The following PRKG1 variants were observed in gnomAD, a reference collection of about 807,000 sequenced individuals.
PRKG1 encodes protein kinase cGMP-dependent 1.
A neutral mutation model predicts 88.1 loss-of-function variants in PRKG1; 35 were observed. That is an observed-to-expected ratio of 0.40 (90% CI 0.30 to 0.53). The LOEUF (loss-of-function observed/expected upper bound fraction) is 0.53. Ranked by LOEUF, PRKG1 falls within the 20% of genes least tolerant of loss-of-function variation. The pLI is 0.59. For missense variants in PRKG1, 540 were observed against 839.8 expected, an observed-to-expected ratio of 0.64 and a Z score of 4.41; for synonymous variants, 303 against 292.5, an observed-to-expected ratio of 1.04 and a Z score of -0.37.
At chr10:51,398,234 A>C (rs1280087343) in intron 2 of PRKG1, among the ~76,000 whole-genome samples, 2 of 152,122 alleles carry the variant, frequency 1.3e-5, no homozygotes, top group African/African-American at 2.4e-5. Flanking sequence ...TTCAGGATGA[A>C]ACTGTTTCAT....
chr10:51,488,703 CA>C (rs2132865020), intron 3 of PRKG1, among the ~76,000 whole-genome samples: 1 of 152,252 alleles, frequency 6.6e-6, no homozygotes, highest in East Asian at 1.9e-4. Flanking sequence ...TTTAAACACA[CA>C]CACACATCAT....
At chr10:52,136,704 TA>T (rs1837432456) in intron 8 of PRKG1, among the ~76,000 whole-genome samples, 1 of 152,028 alleles carries the variant, frequency 6.6e-6, no homozygotes, top group Admixed American at 6.6e-5. Context: ...TTAACATAGG[TA>T]AATGTCCATG....
intron 3 of PRKG1, among the ~76,000 whole-genome samples, chr10:51,480,444 G>A (rs1056893403): frequency 1.3e-5 from 2 of 151,890 alleles, no homozygotes; most frequent in African/African-American, 4.8e-5. Flanking sequence ...TATACGTTGG[G>A]CTCGTAATTA....
chr10:51,878,919 A>G (rs1486641009), intron 4 of PRKG1, among the ~76,000 whole-genome samples: 1 of 152,218 alleles, frequency 6.6e-6, no homozygotes, highest in African/African-American at 2.4e-5. Flanking sequence ...TTTAAGAACC[A>G]GACCTCTGCA....
intron 2 of PRKG1, among the ~76,000 whole-genome samples, chr10:51,278,217 G>T (rs1589306518): frequency 1.3e-5 from 2 of 152,082 alleles, no homozygotes; most frequent in African/African-American, 4.8e-5. Context: ...ATAATCATGT[G>T]GTTTTTGTCG....
intron 2 of PRKG1, among the ~76,000 whole-genome samples, chr10:51,393,045 G>A (rs1489733203): frequency 1.6e-4 from 22 of 135,138 alleles, no homozygotes; most frequent in African/African-American, 4.2e-4. Context: ...GGGCGGAGGG[G>A]CTCCTCACTT....
At chr10:52,123,613 A>G (rs917687847) in intron 7 of PRKG1, among the ~76,000 whole-genome samples, 3 of 152,130 alleles carry the variant, frequency 2.0e-5, no homozygotes, top group African/African-American at 7.2e-5. Flanking sequence ...TTCTGTTTAG[A>G]AGAAATTGTT....
intron 2 of PRKG1, among the ~76,000 whole-genome samples, chr10:51,401,465 T>A (rs1837738602): frequency 6.6e-6 from 1 of 152,180 alleles, no homozygotes; most frequent in Non-Finnish European, 1.5e-5. Context: ...TCCTTTTCCA[T>A]ATTCACTGGC....
chr10:52,019,975 G>A (rs1194122887), intron 5 of PRKG1, among the ~76,000 whole-genome samples: 2 of 152,096 alleles, frequency 1.3e-5, no homozygotes, highest in Non-Finnish European at 2.9e-5. Context: ...AGATAGGAAA[G>A]TTGGAAATTA....
At position 51,819,006 on chromosome 10, in the gene PRKG1, C is replaced by CAAAAAAA. The variant is rs869048560; in HGVS notation, c.698+14347_698+14353dup. ...TGGGCGACAGAGCGAGACTCCGTCT[C>CAAAAAAA]AAAAAAAAAAAAAAAAAAAAAAAAA... On this transcript the variant is annotated intron_variant, in intron 4 of 17. Transcript: ENST00000373980. 6.7e-3 allele frequency among the ~76,000 whole-genome samples: 123 copies of CAAAAAAA among 18,346 alleles called. 29 individuals are homozygous for CAAAAAAA. Among genetic ancestry groups the CAAAAAAA allele is most frequent in the African/African-American group, 0.019 (22 of 1,182 alleles). The allele number at this position is 18,346 out of a possible 152,430, so 12.0% of individuals were successfully genotyped here.
intron 1 of PRKG1, among the ~76,000 whole-genome samples, chr10:51,038,729 C>T (rs551235186): frequency 8.5e-5 from 13 of 152,202 alleles, no homozygotes; most frequent in African/African-American, 2.9e-4. Context: ...ATTCATTTAT[C>T]GTTTGATGGG....
At chr10:52,111,372 G>T (rs1190740784) in intron 7 of PRKG1, among the ~76,000 whole-genome samples, 1 of 152,184 alleles carries the variant, frequency 6.6e-6, no homozygotes, top group Non-Finnish European at 1.5e-5. Flanking sequence ...TGCTCCATTG[G>T]CAATGTAATG....
intron 2 of PRKG1, among the ~76,000 whole-genome samples, chr10:51,397,460 G>A (rs1276053591): frequency 1.3e-5 from 2 of 152,102 alleles, no homozygotes; most frequent in East Asian, 3.9e-4. Context: ...CGTCTCGAGG[G>A]CACTTCATGA....
intron 1 of PRKG1, among the ~76,000 whole-genome samples, chr10:51,031,781 G>A (rs942452159): frequency 6.6e-6 from 1 of 152,044 alleles, no homozygotes; most frequent in Non-Finnish European, 1.5e-5. Context: ...TGTTCACGCA[G>A]GATTATAACA....
chr10:51,780,715 A>G (rs1287022329), intron 3 of PRKG1, among the ~76,000 whole-genome samples: 3 of 152,150 alleles, frequency 2.0e-5, no homozygotes, highest in African/African-American at 7.2e-5. Flanking sequence ...TTGATGCTGG[A>G]TATTGTACTT....
chr10:51,493,416 A>G (rs912677079), intron 3 of PRKG1, among the ~76,000 whole-genome samples: 15 of 152,182 alleles, frequency 9.9e-5, no homozygotes, highest in Admixed American at 3.3e-4. Flanking sequence ...CATCACTATT[A>G]TCATAATAAT....
At chr10:51,726,575 G>A (rs1278961040) in intron 3 of PRKG1, among the ~76,000 whole-genome samples, 1 of 152,200 alleles carries the variant, frequency 6.6e-6, no homozygotes, top group Non-Finnish European at 1.5e-5. Flanking sequence ...GATGATCACA[G>A]TTATAAAGCC....
chr10:51,698,813 G>T (rs1022157636), intron 3 of PRKG1: 3 of 1,614,194 alleles, frequency 1.9e-6, no homozygotes, highest in Admixed American at 1.7e-5. Flanking sequence ...GTCCTTCACA[G>T]GTCTTCTAGC....
chr10:51,591,298 C>A (rs1838306587), intron 3 of PRKG1, among the ~76,000 whole-genome samples: 1 of 152,148 alleles, frequency 6.6e-6, no homozygotes, highest in Non-Finnish European at 1.5e-5. Context: ...CTGTTGGTAG[C>A]TATTTGATCT....
Sources: allele counts gnomAD v4.1 joint callset (sites outside exome capture counted in the v4.1 genomes callset), GRCh38; gene constraint gnomAD v4.1.1; transcripts MANE v1.5; gene names NCBI Gene and HGNC (gene_info 2026-07-23, HGNC 2026-07-21).